The following ATAD2B variants were observed in gnomAD, a reference collection of about 807,000 sequenced individuals.
The protein encoded by ATAD2B is ATPase family AAA domain-containing protein 2B.
ATAD2B carries 40 observed loss-of-function variants against 167.6 expected under a neutral mutation model. The observed-to-expected ratio is 0.24, with a 90% CI of 0.19 to 0.31. The LOEUF (loss-of-function observed/expected upper bound fraction) is 0.31, where lower values mean the gene tolerates loss of function less well. Ranked by LOEUF, ATAD2B falls within the 10% of genes least tolerant of loss-of-function variation. ATAD2B has a pLI of 1.00. For synonymous variants in ATAD2B, 579 were observed against 596.5 expected, an observed-to-expected ratio of 0.97 and a Z score of 0.43; for missense variants, 1,242 against 1,757.2, an observed-to-expected ratio of 0.71 and a Z score of 5.24.
intron 16 of ATAD2B, among the ~76,000 whole-genome samples, chr2:23,822,941 A>AAG (rs1687687501): frequency 2.8e-5 from 4 of 144,868 alleles, no homozygotes; most frequent in Non-Finnish European, 3.1e-5. Flanking sequence ...AAAAAAAAAA[A>AAG]GGATTAGTAA....
At chr2:23,691,757 T>TG in the ATAD2B span, 1 of 1,551,782 alleles carries the variant, frequency 6.4e-7, no homozygotes, top group Non-Finnish European at 8.7e-7. Context: ...CTGGAGTTGC[T>TG]GCTGGAGTTT....
At chr2:23,772,347 A>C (rs578108226) in intron 22 of ATAD2B, among the ~76,000 whole-genome samples, 1 of 152,288 alleles carries the variant, frequency 6.6e-6, no homozygotes, top group South Asian at 2.1e-4. Flanking sequence ...TTCTAATTTT[A>C]GCTACTATAA....
intron 7 of ATAD2B, among the ~76,000 whole-genome samples, chr2:23,880,372 T>C (rs1361357641): frequency 6.6e-6 from 1 of 152,018 alleles, no homozygotes; most frequent in Middle Eastern, 3.2e-3. Flanking sequence ...GCATTTTTAG[T>C]AGAGATGGGG....
At chr2:23,810,778 A>C (rs530660699) in intron 17 of ATAD2B, among the ~76,000 whole-genome samples, 1 of 152,304 alleles carries the variant, frequency 6.6e-6, no homozygotes, top group Admixed American at 6.5e-5. Flanking sequence ...TGGGAGGCCA[A>C]GGTGGGCGGA....
chr2:23,694,510 C>G, the ATAD2B span, among the ~76,000 whole-genome samples: 9 of 152,230 alleles, frequency 5.9e-5, no homozygotes, highest in Non-Finnish European at 1.5e-5. Flanking sequence ...TCCATCCACT[C>G]AAACCCCTCC....
intron 17 of ATAD2B, among the ~76,000 whole-genome samples, chr2:23,810,914 G>A (rs924129486): frequency 6.6e-6 from 1 of 152,094 alleles, no homozygotes; most frequent in East Asian, 1.9e-4. Flanking sequence ...AGGAGGCTGA[G>A]GCAGGAGAAT....
chr2:23,866,425 A>G (rs1173075420), intron 10 of ATAD2B, among the ~76,000 whole-genome samples: 3 of 152,218 alleles, frequency 2.0e-5, no homozygotes, highest in Non-Finnish European at 2.9e-5. Context: ...AAAAAGAGAA[A>G]AAGAATTTAG....
intron 18 of ATAD2B, chr2:23,809,249 T>C (rs1685161796): frequency 6.6e-6 from 1 of 152,140 alleles, no homozygotes; most frequent in South Asian, 2.1e-4. Context: ...GTTAAATGTG[T>C]CAAACTGGGA....
At chr2:23,916,809 C>T (rs539143611) in intron 1 of ATAD2B, among the ~76,000 whole-genome samples, 7 of 152,260 alleles carry the variant, frequency 4.6e-5, no homozygotes, top group African/African-American at 1.7e-4. Context: ...AGGAAGTGAG[C>T]CTGGAAACAG....
At chr2:23,862,737 T>C (rs576693727) in intron 12 of ATAD2B, among the ~76,000 whole-genome samples, 347 of 152,272 alleles carry the variant, frequency 2.3e-3, no homozygotes, top group African/African-American at 8.2e-3. Context: ...CTCATGAAAA[T>C]AACACACTAC....
chr2:23,745,435 G>GGAA, downstream of ATAD2B, among the ~76,000 whole-genome samples: 1 of 127,930 alleles, frequency 7.8e-6, no homozygotes, highest in Non-Finnish European at 1.7e-5. Context: ...GGGAAGGGAA[G>GGAA]GGAAGGGAAG....
chr2:23,758,243 C>T, intron 24 of ATAD2B, 142 bp from the exon 25 acceptor site: 1 of 629,130 alleles, frequency 1.6e-6, no homozygotes, highest in Non-Finnish European at 2.6e-6. Flanking sequence ...GACATTCATG[C>T]TGACTAATCC....
intron 13 of ATAD2B, among the ~76,000 whole-genome samples, chr2:23,837,282 G>C (rs544491647): frequency 2.0e-5 from 3 of 152,344 alleles, no homozygotes; most frequent in African/African-American, 7.2e-5. Context: ...CAGGAGTGGG[G>C]AGAGGCCAGG....
intron 10 of ATAD2B, 55 bp downstream of exon 10, chr2:23,867,780 A>C: frequency 7.8e-7 from 1 of 1,286,384 alleles, no homozygotes. Context: ...TTTAGAAACA[A>C]GAAAAAAACT....
chr2:23,867,961 A>T lies in ATAD2B; in HGVS notation c.1077-15T>A, dbSNP rs781654087. On this transcript the variant is annotated splice_polypyrimidine_tract_variant and intron_variant, in intron 9 of 27. Coordinates refer to ENST00000238789, the MANE Select transcript of ATAD2B (RefSeq NM_017552.4). ...TAGGCAAACATCTGAAATTTATAAA[A>T]GTGCAAGTAAAGTTGCATTAAAAGT... The T allele has an allele frequency of 1.3e-6, 2 of 1,544,568 alleles. No homozygotes were observed. The highest frequency in any genetic ancestry group is 1.8e-6 in the Non-Finnish European group (2 of 1,127,158).
chr2:23,830,594 T>C (rs1688895359), intron 14 of ATAD2B, among the ~76,000 whole-genome samples: 1 of 152,168 alleles, frequency 6.6e-6, no homozygotes, highest in East Asian at 1.9e-4. Context: ...TGACAAAATC[T>C]GGAATCAATA....
intron 9 of ATAD2B, 51 bp from the exon 10 acceptor site, chr2:23,867,997 T>A (rs907958617): frequency 4.9e-6 from 6 of 1,236,460 alleles, no homozygotes; most frequent in Non-Finnish European, 5.9e-6. Context: ...TTCACATTTT[T>A]AATGTCAAAA....
chr2:23,720,150 A>G, the ATAD2B span, among the ~76,000 whole-genome samples: 1 of 152,202 alleles, frequency 6.6e-6, no homozygotes, highest in African/African-American at 2.4e-5. Flanking sequence ...GACTAGAAAT[A>G]CCTGGCATTC....
chr2:23,834,994 A>G (rs1318280396), intron 13 of ATAD2B, among the ~76,000 whole-genome samples: 1 of 152,230 alleles, frequency 6.6e-6, no homozygotes, highest in Non-Finnish European at 1.5e-5. Flanking sequence ...AAGCAAATTA[A>G]ACCAAATGAG....
Sources: gnomAD v4.1 joint callset for allele counts (sites outside exome capture counted in the v4.1 genomes callset) on GRCh38, gnomAD v4.1.1 for gene constraint, MANE v1.5 for transcripts, NCBI Gene and HGNC (gene_info 2026-07-23, HGNC 2026-07-21) for gene names.